SGTA: variants seen among roughly 807,000 people sequenced by gnomAD.
SGTA encodes small glutamine-rich tetratricopeptide repeat-containing protein alpha.
In SGTA, 22 loss-of-function variants were observed where a neutral mutation model predicts 44.3. The ratio of observed to expected loss-of-function variants is 0.50; its 90% CI spans 0.36 to 0.71. SGTA has a LOEUF of 0.71. SGTA is among the 30% of genes least tolerant of loss of function. The pLI is 0.00. For synonymous variants in SGTA, 174 were observed against 177.6 expected (o/e 0.98, Z 0.16); for missense variants, 341 against 435.9 (o/e 0.78, Z 1.94).
intron 1 of SGTA, among the ~76,000 whole-genome samples, chr19:2,779,298 GGCCCT>G (rs1228691574): frequency 6.6e-6 from 1 of 152,128 alleles, no homozygotes; most frequent in Non-Finnish European, 1.5e-5. Flanking sequence ...GGGAAGCACA[GGCCCT>G]GCCCAGCATG....
In SGTA at chr19:2,767,602, A is replaced by T; in HGVS notation, c.185T>A (p.Phe62Tyr). The change falls in exon 3 of 12, where the codon TTT becomes TAT. Residue 62 changes from phenylalanine to tyrosine, a missense_variant. By Grantham distance (22) the Phe-to-Tyr change is conservative. Coordinates refer to ENST00000221566, the MANE Select transcript of SGTA (RefSeq NM_003021.4). The surrounding 1 kb of genome is among the most constrained non-coding windows in gnomAD (Gnocchi z 7.3). ...LALPQTLPEIFEAAATGKEMP... is the reference protein window; with the variant it reads ...LALPQTLPEIYEAAATGKEMP... ...CACCTTGCCCGTGGCAGCCGCTTCA[A>T]ATATCTCCGGCAGAGTCTGAGGGAG... The T allele has an allele frequency of 6.2e-7, 1 of 1,613,430 alleles. No homozygotes were observed. The highest frequency in any genetic ancestry group is 8.5e-7 in the Non-Finnish European group (1 of 1,179,940).
Position 2,763,624 on chromosome 19 carries a change from GA to G in SGTA, c.497+28del. On this transcript the variant is annotated intron_variant, in intron 6 of 11. Transcript: ENST00000221566. This position sits in a 1 kb window ranked among gnomAD's most constrained non-coding sequence, Gnocchi z 5.8. ...GGAGAGGAGGGGTCCCGAGAGACTGGAAAGGCGCGGCCGTGGACAGGCACTC... is the reference window on the plus strand; with the variant it reads ...GGAGAGGAGGGGTCCCGAGAGACTGGAAGGCGCGGCCGTGGACAGGCACTC... The G allele has an allele frequency of 6.5e-7, 1 of 1,528,110 alleles. No homozygotes were observed. Among genetic ancestry groups the G allele is most frequent in the Non-Finnish European group, 9.0e-7 (1 of 1,109,524 alleles). The allele number at this position is 1,528,110 out of a possible 1,614,324, so 94.7% of individuals were successfully genotyped here. A position where few individuals can be genotyped will look rare whatever the true frequency, so the allele number is the denominator to read the frequency against.
chr19:2,761,448 G>T lies in SGTA; in HGVS notation c.699+12C>A. On this transcript the variant is annotated intron_variant, in intron 8 of 11. Coordinates refer to ENST00000221566, the MANE Select transcript of SGTA (RefSeq NM_003021.4). The surrounding 1 kb of genome is among the most constrained non-coding windows in gnomAD (Gnocchi z 5.7). ...CAGACACCATGGACAGGGAGGAGGG[G>T]CGGGCCGTTACCATGCTCATGAAGC... is the stretch of plus-strand genomic sequence containing the variant. 17 of 1,550,686 alleles carry T rather than the reference G, an allele frequency of 1.1e-5. No individual in the cohort carries two copies. The highest frequency in any genetic ancestry group is 1.5e-5 in the Non-Finnish European group (17 of 1,146,238).
intron 1 of SGTA, among the ~76,000 whole-genome samples, chr19:2,774,343 G>T (rs1163512845): frequency 6.6e-6 from 1 of 152,228 alleles, no homozygotes; most frequent in Non-Finnish European, 1.5e-5. Flanking sequence ...ACGGAAGGGA[G>T]CAGTGAAGGG....
intron 1 of SGTA, among the ~76,000 whole-genome samples, chr19:2,769,396 C>T (rs1195990093): frequency 6.6e-6 from 1 of 152,148 alleles, no homozygotes; most frequent in African/African-American, 2.4e-5. Context: ...TGAGGCGCCA[C>T]GGAGGTCCCC....
At chr19:2,759,205 T>G (rs376571086) in intron 9 of SGTA, 52 bp downstream of exon 9, 14 of 1,556,972 alleles carry the variant, frequency 9.0e-6, no homozygotes, top group East Asian at 9.0e-5. Context: ...TTACCCACAA[T>G]AAAAGGAAAT....
At chr19:2,769,192 G>T in intron 1 of SGTA, 101 bp from the exon 2 acceptor site, 1 of 675,372 alleles carries the variant, frequency 1.5e-6, no homozygotes, top group Non-Finnish European at 2.6e-6. Context: ...TAAGGGTGCT[G>T]GCTGATCTCA....
At chr19:2,780,656 C>T (rs2144745116) in intron 1 of SGTA, among the ~76,000 whole-genome samples, 1 of 152,332 alleles carries the variant, frequency 6.6e-6, no homozygotes, top group East Asian at 1.9e-4. Flanking sequence ...ACCCATCTTC[C>T]CTTTGAACGC....
At position 2,755,446 on chromosome 19, in the gene SGTA, G is replaced by A; in HGVS notation, c.*494C>T. On this transcript the variant is annotated 3_prime_UTR_variant, in exon 12 of 12. Transcript: ENST00000221566. This position sits in a 1 kb window ranked among gnomAD's most constrained non-coding sequence, Gnocchi z 5.2. Reference sequence around the variant, plus strand: ...GTGCCCAGGCCGCAGCTGGCAGTGAGCTCTTCCGAGCAGGCACAGGGCCGG... The same window carrying A: ...GTGCCCAGGCCGCAGCTGGCAGTGAACTCTTCCGAGCAGGCACAGGGCCGG... 2.0e-6 allele frequency: 2 copies of A among 987,720 alleles called. No individual in the cohort carries two copies. Among genetic ancestry groups the A allele is most frequent in the Middle Eastern group, 2.8e-4 (1 of 3,514 alleles). 61.2% of individuals were successfully genotyped at this position (987,720 alleles called of 1,614,324 possible).
chr19:2,768,432 C>A (rs944616333), intron 2 of SGTA, among the ~76,000 whole-genome samples: 3 of 152,130 alleles, frequency 2.0e-5, no homozygotes, highest in Admixed American at 6.5e-5. Context: ...GGAAGGAGGA[C>A]CTAGAGCAGA....
intron 6 of SGTA, among the ~76,000 whole-genome samples, chr19:2,762,951 C>A (rs1034925602): frequency 1.3e-5 from 2 of 152,318 alleles, no homozygotes; most frequent in South Asian, 2.1e-4. Context: ...ACAGGAAATG[C>A]GTGGATGTTG....
intron 5 of SGTA, among the ~76,000 whole-genome samples, chr19:2,764,870 A>G (rs1222421050): frequency 6.6e-6 from 1 of 152,000 alleles, no homozygotes; most frequent in East Asian, 1.9e-4. Flanking sequence ...CCTGGCCCCC[A>G]GACTAATTTT....
chr19:2,780,363 C>A (rs1394408947), intron 1 of SGTA, among the ~76,000 whole-genome samples: 1 of 152,212 alleles, frequency 6.6e-6, no homozygotes, highest in Admixed American at 6.5e-5. Flanking sequence ...AGCTCAGTCT[C>A]CTGCCCACTC....
chr19:2,762,397 C>T (rs45459194), intron 7 of SGTA, 109 bp downstream of exon 7: 205,617 of 1,116,670 alleles, frequency 0.18, 21,393 homozygotes, highest in East Asian at 0.39. Context: ...AACCCCGGAC[C>T]CTCACGACAC....
intron 1 of SGTA, among the ~76,000 whole-genome samples, chr19:2,781,462 G>A (rs1450521872): frequency 2.0e-5 from 3 of 152,162 alleles, no homozygotes; most frequent in Non-Finnish European, 4.4e-5. Flanking sequence ...TACAGGTAAC[G>A]CATAAACCAA....
At position 2,761,766 on chromosome 19, in the gene SGTA, C is replaced by T. The variant is rs1003539515; in HGVS notation, c.637-244G>A. ...CCGGGGACGGCACAGTCTATCATCC[C>T]GTGTTTATTCCCCGCACAGCGCGAC... On this transcript the variant is annotated intron_variant, in intron 7 of 11. Coordinates refer to ENST00000221566, the MANE Select transcript of SGTA (RefSeq NM_003021.4). The surrounding 1 kb of genome is among the most constrained non-coding windows in gnomAD (Gnocchi z 5.7). Among the ~76,000 whole-genome samples the T allele has an allele frequency of 3.4e-5, 5 of 149,060 alleles. No homozygotes were observed. The highest frequency in any genetic ancestry group is 1.2e-4 in the African/African-American group (5 of 40,362).
intron 1 of SGTA, among the ~76,000 whole-genome samples, chr19:2,772,525 G>C (rs1352924121): frequency 1.3e-5 from 2 of 152,236 alleles, no homozygotes; most frequent in African/African-American, 2.4e-5. Context: ...GGCTCCAGGG[G>C]CTGAATACTG....
At chr19:2,768,517 G>A (rs953947529) in intron 2 of SGTA, among the ~76,000 whole-genome samples, 1 of 152,204 alleles carries the variant, frequency 6.6e-6, no homozygotes, top group Non-Finnish European at 1.5e-5. Flanking sequence ...TCGCAGAAGC[G>A]CAAGCAAGAC....
chr19:2,767,573 G>A lies in SGTA; in HGVS notation c.207+7C>T. The A allele has an allele frequency of 1.2e-6, 2 of 1,609,388 alleles. No individual in the cohort carries two copies. The highest frequency in any genetic ancestry group is 1.7e-6 in the Non-Finnish European group (2 of 1,176,642). Reference sequence around the variant, plus strand: ...GGGGCAGTGGCTGGGGAAGCATCGAGGCTCACCTTGCCCGTGGCAGCCGCT... The same window carrying A: ...GGGGCAGTGGCTGGGGAAGCATCGAAGCTCACCTTGCCCGTGGCAGCCGCT... On this transcript the variant is annotated splice_region_variant and intron_variant, in intron 3 of 11. Transcript: ENST00000221566. The surrounding 1 kb of genome is among the most constrained non-coding windows in gnomAD (Gnocchi z 7.3).
Sources: gnomAD v4.1 joint callset for allele counts (sites outside exome capture counted in the v4.1 genomes callset) on GRCh38, gnomAD v4.1.1 for gene constraint, Gnocchi (gnomAD v3.1) non-coding constraint, MANE v1.5 for transcripts, NCBI Gene and HGNC (gene_info 2026-07-23, HGNC 2026-07-21) for gene names.